The following ZC3H11A variants were observed in gnomAD, a reference collection of about 807,000 sequenced individuals.
ZC3H11A encodes zinc finger CCCH-type containing 11A, also known as zinc finger CCCH domain-containing protein 11A.
In ZC3H11A, 22 loss-of-function variants were observed where a neutral mutation model predicts 90.8. The ratio of observed to expected loss-of-function variants is 0.24; its 90% CI spans 0.17 to 0.35. ZC3H11A has a LOEUF of 0.35. Among genes scored for constraint, ZC3H11A ranks in the 10% least tolerant of loss-of-function variants. ZC3H11A has a pLI of 1.00. For synonymous variants in ZC3H11A, 294 were observed against 339.8 expected (o/e 0.87, Z 1.48); for missense variants, 701 against 964.9 (o/e 0.73, Z 3.62).
At chr1:203,813,842 A>G (rs1000580159) in intron 2 of ZC3H11A, among the ~76,000 whole-genome samples, 7 of 151,944 alleles carry the variant, frequency 4.6e-5, no homozygotes, top group African/African-American at 1.7e-4. Flanking sequence ...CCCTCTGTAC[A>G]TGTCTGTCTC....
chr1:203,823,953 G>T (rs1333184030), intron 4 of ZC3H11A, among the ~76,000 whole-genome samples: 2 of 151,270 alleles, frequency 1.3e-5, no homozygotes, highest in Admixed American at 6.6e-5. Context: ...AAAACCTAAG[G>T]TGAAGAGCAA....
In ZC3H11A at chr1:203,837,993, G is replaced by C; in HGVS notation, c.902G>C (p.Arg301Pro). The part of the protein sequence containing the change: ...AGGDSDPPLK[R>P]SLAQRLGKKV... ...GGTGACAGTGATCCTCCATTAAAGC[G>C]TAGCCTGGCACAGAGGCTAGGGAAG... Residue 301 changes from arginine to proline, a missense_variant, in exon 11 of 18, where the codon CGT (arginine) becomes CCT (proline). Physicochemically the swap from Arg to Pro is moderately radical, Grantham distance 103 (BLOSUM62 -2). This residue lies in a region of ZC3H11A where 530 missense variants were observed against 696.2 expected (regional missense o/e 0.76). Transcript: ENST00000367210. 2.5e-6 allele frequency: 4 copies of C among 1,614,034 alleles called. No homozygotes were observed. Among genetic ancestry groups the C allele is most frequent in the Non-Finnish European group, 3.4e-6 (4 of 1,179,998 alleles).
At chr1:203,835,069 A>G (rs912889570) in intron 10 of ZC3H11A, among the ~76,000 whole-genome samples, 1 of 152,238 alleles carries the variant, frequency 6.6e-6, no homozygotes, top group Non-Finnish European at 1.5e-5. Context: ...TCACTACCCT[A>G]TCTTCAGAAC....
At chr1:203,818,739 G>A (rs1558110352) in intron 4 of ZC3H11A, 50 bp downstream of exon 4, 28 of 1,610,404 alleles carry the variant, frequency 1.7e-5, no homozygotes, top group Non-Finnish European at 2.3e-5. Context: ...AGACCTGGTG[G>A]GCCAATAAAA....
chr1:203,799,341 G>A (rs1460698590), intron 1 of ZC3H11A: 14 of 705,476 alleles, frequency 2.0e-5, no homozygotes, highest in Admixed American at 1.4e-4. Flanking sequence ...GAATATGTTA[G>A]TGGCTGCCAG....
chr1:203,828,539 C>T, intron 5 of ZC3H11A, 117 bp downstream of exon 5: 2 of 1,269,892 alleles, frequency 1.6e-6, no homozygotes, highest in Non-Finnish European at 1.1e-6. Flanking sequence ...AGAATTATTT[C>T]CACTTTACAG....
At position 203,851,078 on chromosome 1, in the gene ZC3H11A, G is replaced by C. The variant is rs1481394367; in HGVS notation, c.2128G>C (p.Glu710Gln). ...GTAGGCTGTTGTCCCGCTTGTCTCT[G>C]AGGACAAATCAGTCACTGTGCCTGA... ...AAVAVVPLVSEDKSVTVPEAE... is the reference protein window; with the variant it reads ...AAVAVVPLVSQDKSVTVPEAE... The change falls in exon 17 of 18, where the codon GAG (glutamate) becomes CAG (glutamine). Residue 710 changes from glutamate (E) to glutamine (Q), a missense_variant. Coordinates refer to ENST00000367210, the MANE Select transcript of ZC3H11A (RefSeq NM_001376342.1). 5 of 1,614,168 alleles carry C rather than the reference G, an allele frequency of 3.1e-6. No homozygotes were observed. The East Asian group carries it at 8.9e-5, about 29-fold the overall frequency.
Position 203,843,065 on chromosome 1 carries a change from T to A in ZC3H11A, c.1042+2691T>A, listed in dbSNP as rs535724040. On this transcript the variant is annotated intron_variant, in intron 12 of 17. Coordinates refer to ENST00000367210, the MANE Select transcript of ZC3H11A (RefSeq NM_001376342.1). ...TTATCTCATTTGGATGTTAAAGTTA[T>A]ATTAGCATCATAAAAAGGGAGTCCG... is the stretch of plus-strand genomic sequence containing the variant. 1.1e-3 allele frequency among the ~76,000 whole-genome samples: 164 copies of A among 152,296 alleles called. 1 individual carries two copies. Among genetic ancestry groups the A allele is most frequent in the African/African-American group, 3.8e-3 (159 of 41,574 alleles).
intron 4 of ZC3H11A, among the ~76,000 whole-genome samples, chr1:203,822,529 C>T (rs926910094): frequency 6.6e-5 from 10 of 152,196 alleles, no homozygotes; most frequent in Middle Eastern, 3.4e-3. Context: ...CCTGACCCTG[C>T]GCACATACTC....
In ZC3H11A at chr1:203,830,588, G is replaced by A. The variant is rs528074494; in HGVS notation, c.700+385G>A. 2.7e-3 allele frequency among the ~76,000 whole-genome samples: 412 copies of A among 152,254 alleles called. 1 individual carries two copies. The highest frequency in any genetic ancestry group is 4.9e-3 in the Non-Finnish European group (331 of 68,018). On this transcript the variant is annotated intron_variant, in intron 8 of 17. Transcript: ENST00000367210. ...AGCACTTTGGGAGGCCGAGGAGGGCGAATCATGAGGTTGGGAGATCCAGAC... is the reference window on the plus strand; with the variant it reads ...AGCACTTTGGGAGGCCGAGGAGGGCAAATCATGAGGTTGGGAGATCCAGAC...
At chr1:203,799,980 C>T in intron 1 of ZC3H11A, 1 of 1,536,096 alleles carries the variant, frequency 6.5e-7, no homozygotes, top group Non-Finnish European at 8.7e-7. Context: ...AGCTTCTTGT[C>T]CCTCAGTTAC....
intron 11 of ZC3H11A, among the ~76,000 whole-genome samples, chr1:203,839,691 A>G (rs1358994996): frequency 6.6e-6 from 1 of 152,212 alleles, no homozygotes; most frequent in African/African-American, 2.4e-5. Flanking sequence ...ACTTGGAGGA[A>G]AAATTATTTC....
At chr1:203,847,712 T>TG (rs1190887157) in intron 13 of ZC3H11A, 25 bp downstream of exon 13, 1 of 1,601,094 alleles carries the variant, frequency 6.2e-7, no homozygotes, top group Non-Finnish European at 8.5e-7. Context: ...TGGTCTCTAG[T>TG]ACCACGTCCC....
chr1:203,816,820 C>G, intron 2 of ZC3H11A, 106 bp from the exon 3 acceptor site: 2 of 412,256 alleles, frequency 4.9e-6, no homozygotes, highest in South Asian at 5.1e-5. Context: ...TAAGCAAGGT[C>G]GTATTAATAA....
chr1:203,819,067 C>CAA (rs747588582), intron 4 of ZC3H11A, among the ~76,000 whole-genome samples: 9 of 97,214 alleles, frequency 9.3e-5, no homozygotes, highest in African/African-American at 2.6e-4. Flanking sequence ...CACTCCGTCT[C>CAA]AAAAAAAAAA....
At chr1:203,827,231 A>C (rs946476154) in intron 4 of ZC3H11A, among the ~76,000 whole-genome samples, 1 of 152,202 alleles carries the variant, frequency 6.6e-6, no homozygotes, top group Admixed American at 6.5e-5. Flanking sequence ...AGAGCTATTG[A>C]AAATAATATT....
chr1:203,844,422 G>A (rs538611083), intron 12 of ZC3H11A, among the ~76,000 whole-genome samples: 1 of 152,266 alleles, frequency 6.6e-6, no homozygotes, highest in African/African-American at 2.4e-5. Context: ...GCCTGCCTTG[G>A]CCTCCCAAAG....
chr1:203,802,575 A>C lies in ZC3H11A; in HGVS notation c.-587A>C, dbSNP rs1329860894. On this transcript the variant is annotated 5_prime_UTR_variant, in exon 2 of 18. Coordinates refer to ENST00000367210, the MANE Select transcript of ZC3H11A (RefSeq NM_001376342.1). Reference sequence around the variant, plus strand: ...TCTGTTTTTTTCTTAATAGGTGAAGAAATCTTGAAGACCAGAAATTGGATC... The same window carrying C: ...TCTGTTTTTTTCTTAATAGGTGAAGCAATCTTGAAGACCAGAAATTGGATC... 1 of 152,296 alleles carries C rather than the reference A, an allele frequency of 6.6e-6. No homozygotes were observed. Among genetic ancestry groups the C allele is most frequent in the African/African-American group, 2.4e-5 (1 of 41,394 alleles). 9.4% of individuals were successfully genotyped at this position (152,296 alleles called of 1,614,324 possible).
chr1:203,805,057 A>G (rs770728760), intron 2 of ZC3H11A, among the ~76,000 whole-genome samples: 1 of 152,132 alleles, frequency 6.6e-6, no homozygotes, highest in Non-Finnish European at 1.5e-5. Context: ...CTATTCATCA[A>G]ATATCAAGAA....
Sources: gnomAD v4.1 joint callset for allele counts (sites outside exome capture counted in the v4.1 genomes callset) on GRCh38, gnomAD v4.1.1 for gene constraint, gnomAD v4.1.1 regional missense constraint, MANE v1.5 for transcripts, NCBI Gene and HGNC (gene_info 2026-07-23, HGNC 2026-07-21) for gene names.